VAV3: variants seen among roughly 807,000 people sequenced by gnomAD.
The protein encoded by VAV3 is vav guanine nucleotide exchange factor 3, also known as guanine nucleotide exchange factor VAV3.
Under a neutral mutation model 131.2 loss-of-function variants are expected in VAV3, and 94 were observed. The ratio of observed to expected loss-of-function variants is 0.72; its 90% CI spans 0.61 to 0.85. The LOEUF is 0.85. VAV3 is among the 40% of genes least tolerant of loss of function. VAV3 has a pLI of 0.00. For synonymous variants in VAV3, 349 were observed against 342.0 expected (o/e 1.02, Z -0.22); for missense variants, 939 against 1,002.7 (o/e 0.94, Z 0.86).
At chr1:107,669,892 C>G (rs965806872) in intron 19 of VAV3, among the ~76,000 whole-genome samples, 2 of 152,156 alleles carry the variant, frequency 1.3e-5, no homozygotes, top group African/African-American at 2.4e-5. Context: ...ATACTACACA[C>G]TGATCACCCA....
intron 19 of VAV3, among the ~76,000 whole-genome samples, chr1:107,649,390 G>A (rs567728947): frequency 6.6e-6 from 1 of 152,170 alleles, no homozygotes; most frequent in African/African-American, 2.4e-5. Context: ...GAAGCAGGAG[G>A]CAGATATCTA....
At chr1:107,848,312 CAAA>C (rs34249858) in intron 2 of VAV3, among the ~76,000 whole-genome samples, 2 of 92,160 alleles carry the variant, frequency 2.2e-5, no homozygotes, top group Non-Finnish European at 2.1e-5. Context: ...GACTCCGTCT[CAAA>C]AAAAAAAAAA....
intron 15 of VAV3, among the ~76,000 whole-genome samples, chr1:107,735,107 A>C (rs181748356): frequency 4.6e-5 from 7 of 152,342 alleles, no homozygotes; most frequent in East Asian, 1.9e-4. Flanking sequence ...CTGAATGACT[A>C]CTGGGTAAAT....
chr1:107,840,456 C>A (rs1013431135), intron 2 of VAV3, among the ~76,000 whole-genome samples: 1 of 152,188 alleles, frequency 6.6e-6, no homozygotes, highest in African/African-American at 2.4e-5. Context: ...ACAGTCCCTG[C>A]ACTTTAACAG....
At chr1:107,717,707 A>C (rs1661198732) in intron 15 of VAV3, among the ~76,000 whole-genome samples, 1 of 152,172 alleles carries the variant, frequency 6.6e-6, no homozygotes, top group African/African-American at 2.4e-5. Context: ...AGAAGAAGAT[A>C]TATTCTGTTG....
At chr1:107,958,614 T>C (rs1213509594) in intron 1 of VAV3, among the ~76,000 whole-genome samples, 1 of 140,386 alleles carries the variant, frequency 7.1e-6, no homozygotes, top group Admixed American at 6.8e-5. Flanking sequence ...TTTAAAACAC[T>C]TTAAATTTTA....
intron 1 of VAV3, among the ~76,000 whole-genome samples, chr1:107,923,883 A>T (rs1480821702): frequency 6.6e-6 from 1 of 152,208 alleles, no homozygotes; most frequent in African/African-American, 2.4e-5. Context: ...GGACACAATG[A>T]GAAGGTGCCA....
chr1:107,899,290 A>C (rs1459412159), intron 1 of VAV3, among the ~76,000 whole-genome samples: 3 of 152,172 alleles, frequency 2.0e-5, no homozygotes, highest in African/African-American at 7.2e-5. Context: ...TTAATAAAAA[A>C]ATGTCTGGGC....
At chr1:107,775,254 T>G (rs768448002) in intron 4 of VAV3, among the ~76,000 whole-genome samples, 1 of 151,940 alleles carries the variant, frequency 6.6e-6, no homozygotes, top group Non-Finnish European at 1.5e-5. Flanking sequence ...GCTATAAAAA[T>G]TTATAGGTGT....
At chr1:107,748,237 T>C (rs1398292986) in intron 15 of VAV3, among the ~76,000 whole-genome samples, 1 of 152,202 alleles carries the variant, frequency 6.6e-6, no homozygotes, top group Non-Finnish European at 1.5e-5. Flanking sequence ...TTTCCCCTTT[T>C]GCTAACAGTT....
intron 1 of VAV3, among the ~76,000 whole-genome samples, chr1:107,927,130 A>G (rs1367955242): frequency 6.6e-6 from 1 of 152,160 alleles, no homozygotes; most frequent in African/African-American, 2.4e-5. Context: ...AGGATAGGAC[A>G]TCACAGTCAT....
chr1:107,587,096 T>C (rs1365840982), intron 25 of VAV3, among the ~76,000 whole-genome samples: 1 of 152,170 alleles, frequency 6.6e-6, no homozygotes, highest in Non-Finnish European at 1.5e-5. Context: ...CTGGCATTCC[T>C]ACCTATTGTT....
chr1:107,759,649 T>G (rs1056844797), intron 10 of VAV3, among the ~76,000 whole-genome samples: 8 of 152,116 alleles, frequency 5.3e-5, no homozygotes, highest in Non-Finnish European at 8.8e-5. Context: ...CTCTTAAAAT[T>G]TTAAATATAA....
chr1:107,589,393 G>T (rs1650762350), intron 25 of VAV3, among the ~76,000 whole-genome samples: 1 of 152,328 alleles, frequency 6.6e-6, no homozygotes, highest in African/African-American at 2.4e-5. Context: ...GTGACGTGAA[G>T]ACCAGCAGAG....
At chr1:107,834,168 C>T (rs566341929) in intron 2 of VAV3, among the ~76,000 whole-genome samples, 2 of 152,306 alleles carry the variant, frequency 1.3e-5, no homozygotes, top group South Asian at 2.1e-4. Flanking sequence ...ACCCATTTTA[C>T]ATTTAAAAAT....
At chr1:107,804,761 GT>G (rs145356281) in intron 2 of VAV3, among the ~76,000 whole-genome samples, 2 of 151,696 alleles carry the variant, frequency 1.3e-5, no homozygotes, top group African/African-American at 2.4e-5. Flanking sequence ...AATATTTTTG[GT>G]TTTTTTTGTT....
chr1:107,600,867 T>C (rs1472352482), intron 24 of VAV3, among the ~76,000 whole-genome samples: 2 of 152,200 alleles, frequency 1.3e-5, no homozygotes, highest in Non-Finnish European at 2.9e-5. Flanking sequence ...TCTCCTCTGA[T>C]GGGAGTTACT....
chr1:107,624,573 C>T (rs1653866731), intron 20 of VAV3, among the ~76,000 whole-genome samples: 2 of 152,104 alleles, frequency 1.3e-5, no homozygotes, highest in Admixed American at 1.3e-4. Flanking sequence ...TAACCCAAAA[C>T]CAATCCAGGC....
chr1:107,876,323 G>A (rs922685723), intron 1 of VAV3, among the ~76,000 whole-genome samples: 2 of 152,158 alleles, frequency 1.3e-5, no homozygotes, highest in African/African-American at 4.8e-5. Flanking sequence ...GCCTCTTGGA[G>A]TTGGTTTCAG....
Sources: gnomAD v4.1 joint callset for allele counts (sites outside exome capture counted in the v4.1 genomes callset) on GRCh38, gnomAD v4.1.1 for gene constraint, MANE v1.5 for transcripts, NCBI Gene and HGNC (gene_info 2026-07-23, HGNC 2026-07-21) for gene names.